Variants in PTPRO observed in about 807,000 individuals in gnomAD.
PTPRO encodes the protein protein tyrosine phosphatase receptor type O, also known as receptor-type tyrosine-protein phosphatase O.
A neutral mutation model predicts 145.2 loss-of-function variants in PTPRO; 62 were observed. The ratio of observed to expected loss-of-function variants is 0.43; its 90% CI spans 0.35 to 0.53. The LOEUF is 0.53. Ranked by LOEUF, PTPRO falls within the 20% of genes least tolerant of loss-of-function variation. The pLI is 0.01. For missense variants in PTPRO, 1,345 were observed against 1,482.7 expected, an observed-to-expected ratio of 0.91 and a Z score of 1.53; for synonymous variants, 565 against 514.7, an observed-to-expected ratio of 1.10 and a Z score of -1.32.
At chr12:15,411,777 AT>A (rs1376006142) in intron 1 of PTPRO, among the ~76,000 whole-genome samples, 23 of 152,294 alleles carry the variant, frequency 1.5e-4, no homozygotes, top group Middle Eastern at 3.4e-3. Context: ...ATGTTATTCC[AT>A]TTTTCAAGAG....
chr12:15,511,782 T>C (rs1942446706), intron 7 of PTPRO, among the ~76,000 whole-genome samples: 1 of 152,178 alleles, frequency 6.6e-6, no homozygotes, highest in Non-Finnish European at 1.5e-5. Flanking sequence ...ACCAGGATGA[T>C]CTCGATCTCT....
chr12:15,384,670 T>C (rs1025875765), intron 1 of PTPRO, among the ~76,000 whole-genome samples: 1 of 152,220 alleles, frequency 6.6e-6, no homozygotes, highest in Admixed American at 6.5e-5. Flanking sequence ...GGGTTAGGGC[T>C]TCAACATATG....
intron 1 of PTPRO, among the ~76,000 whole-genome samples, chr12:15,472,965 G>A (rs182983991): frequency 6.6e-6 from 1 of 152,152 alleles, no homozygotes; most frequent in African/African-American, 2.4e-5. Context: ...ACTCTGGATG[G>A]CCTGGCTTAG....
At chr12:15,458,510 G>T (rs964217011) in intron 1 of PTPRO, among the ~76,000 whole-genome samples, 1 of 151,620 alleles carries the variant, frequency 6.6e-6, no homozygotes, top group Non-Finnish European at 1.5e-5. Flanking sequence ...AGTCCCTTAA[G>T]TGAGCTTTTA....
At chr12:15,431,832 C>T (rs1383136127) in intron 1 of PTPRO, among the ~76,000 whole-genome samples, 2 of 152,008 alleles carry the variant, frequency 1.3e-5, no homozygotes, top group African/African-American at 4.8e-5. Context: ...TTTTTTGAAC[C>T]TGCTTTTCCA....
intron 19 of PTPRO, among the ~76,000 whole-genome samples, chr12:15,571,661 A>T (rs1036390061): frequency 2.4e-4 from 36 of 152,156 alleles, no homozygotes; most frequent in African/African-American, 8.7e-4. Flanking sequence ...ATGGTTTCCA[A>T]AGGGAATTAC....
intron 12 of PTPRO, among the ~76,000 whole-genome samples, chr12:15,538,719 T>C (rs1943117850): frequency 6.6e-6 from 1 of 152,178 alleles, no homozygotes; most frequent in Non-Finnish European, 1.5e-5. Flanking sequence ...AGCAAAGGAA[T>C]TTTTCTGGAG....
intron 12 of PTPRO, among the ~76,000 whole-genome samples, chr12:15,545,437 G>A (rs1413248596): frequency 6.6e-6 from 1 of 150,910 alleles, no homozygotes; most frequent in Non-Finnish European, 1.5e-5. Context: ...TCTGCATACT[G>A]GGGGACCTAG....
Position 15,325,689 on chromosome 12 carries a change from T to A in PTPRO, c.75+2888T>A, listed in dbSNP as rs141809748. Among the ~76,000 whole-genome samples the A allele has an allele frequency of 7.2e-5, 11 of 152,338 alleles. No homozygotes were observed. In the East Asian group the frequency reaches 2.1e-3, roughly 29 times the overall value. ...CCCATAATTCCCAGTGAAAGAAATG[T>A]AACTTCCTACACTTGTCCTATCTTT... On this transcript the variant is annotated intron_variant, in intron 1 of 26. Coordinates refer to ENST00000281171, the MANE Select transcript of PTPRO (RefSeq NM_030667.3).
intron 5 of PTPRO, 140 bp downstream of exon 5, chr12:15,502,203 A>G: frequency 1.2e-6 from 1 of 866,106 alleles, no homozygotes; most frequent in Non-Finnish European, 1.8e-6. Context: ...GGAGAATTTA[A>G]TTGAGTATCC....
At chr12:15,460,353 A>G (rs1487491236) in intron 1 of PTPRO, among the ~76,000 whole-genome samples, 1 of 152,144 alleles carries the variant, frequency 6.6e-6, no homozygotes, top group Non-Finnish European at 1.5e-5. Flanking sequence ...TTTTTGTTTG[A>G]AAAAGCCCTA....
chr12:15,415,423 C>G (rs956654214), intron 1 of PTPRO, among the ~76,000 whole-genome samples: 4 of 148,330 alleles, frequency 2.7e-5, no homozygotes, highest in Non-Finnish European at 4.4e-5. Flanking sequence ...CTCGCTCTGT[C>G]GCCCAGGCTG....
At chr12:15,376,250 T>C (rs1175037233) in intron 1 of PTPRO, among the ~76,000 whole-genome samples, 2 of 152,102 alleles carry the variant, frequency 1.3e-5, no homozygotes, top group African/African-American at 2.4e-5. Context: ...ATGAGATTAA[T>C]GGCTGATTTC....
intron 1 of PTPRO, among the ~76,000 whole-genome samples, chr12:15,379,020 T>C (rs755694555): frequency 5.9e-5 from 9 of 151,920 alleles, no homozygotes; most frequent in Admixed American, 3.3e-4. Flanking sequence ...TAAAGAAAAA[T>C]AGACAATTAA....
intron 19 of PTPRO, among the ~76,000 whole-genome samples, chr12:15,571,253 AAAC>A (rs935330298): frequency 2.6e-5 from 4 of 152,112 alleles, no homozygotes; most frequent in Non-Finnish European, 5.9e-5. Context: ...GTGTTCAGTG[AAAC>A]AACAAACAAC....
chr12:15,336,218 T>G (rs1866757059), intron 1 of PTPRO, among the ~76,000 whole-genome samples: 1 of 150,124 alleles, frequency 6.7e-6, no homozygotes, highest in Admixed American at 6.7e-5. Context: ...TCTGTGCATT[T>G]GAGTGTGTAT....
intron 1 of PTPRO, among the ~76,000 whole-genome samples, chr12:15,332,647 T>C (rs898312019): frequency 6.6e-6 from 1 of 152,232 alleles, no homozygotes; most frequent in African/African-American, 2.4e-5. Context: ...AAAGACCATC[T>C]AGTTCAAAAT....
intron 9 of PTPRO, among the ~76,000 whole-genome samples, chr12:15,517,871 A>G (rs1942631691): frequency 6.6e-6 from 1 of 152,138 alleles, no homozygotes; most frequent in Admixed American, 6.5e-5. Context: ...ACAGGCTGGC[A>G]TTGAGTGTCT....
chr12:15,363,993 T>C (rs1591744253), intron 1 of PTPRO, among the ~76,000 whole-genome samples: 1 of 152,206 alleles, frequency 6.6e-6, no homozygotes, highest in Non-Finnish European at 1.5e-5. Flanking sequence ...TGTAGCTTAA[T>C]GAAATTATGT....
Sources: gnomAD v4.1 joint callset for allele counts (sites outside exome capture counted in the v4.1 genomes callset) on GRCh38, gnomAD v4.1.1 for gene constraint, MANE v1.5 for transcripts, NCBI Gene and HGNC (gene_info 2026-07-23, HGNC 2026-07-21) for gene names.